CIP2A: variants seen among roughly 807,000 people sequenced by gnomAD.
CIP2A encodes protein CIP2A.
CIP2A carries 103 observed loss-of-function variants against 110.9 expected under a neutral mutation model. The observed-to-expected ratio is 0.93, with a 90% CI of 0.79 to 1.09. CIP2A has a LOEUF of 1.09. Among genes scored for constraint, CIP2A ranks in the 50% least tolerant of loss-of-function variants. The probability of loss-of-function intolerance (pLI) is 0.00; values close to 1 mark genes in which losing one functional copy is unlikely to be tolerated. For synonymous variants in CIP2A, 381 were observed against 361.6 expected (o/e 1.05, Z -0.61); for missense variants, 1,088 against 1,038.4 (o/e 1.05, Z -0.66).
At chr3:108,556,294 T>C (rs929822926) in intron 17 of CIP2A, among the ~76,000 whole-genome samples, 2 of 152,172 alleles carry the variant, frequency 1.3e-5, no homozygotes, top group African/African-American at 2.4e-5. Context: ...AATCTTAAAA[T>C]ATAAAGCAAT....
chr3:108,585,612 A>G, intron 1 of CIP2A: 1 of 442,258 alleles, frequency 2.3e-6, no homozygotes. Context: ...ACAAATCTGC[A>G]CTCTAGTACC....
chr3:108,557,691 C>T (rs1407215032), intron 16 of CIP2A, among the ~76,000 whole-genome samples: 9 of 152,022 alleles, frequency 5.9e-5, no homozygotes, highest in Admixed American at 1.3e-4. Flanking sequence ...GCGCTACATA[C>T]AGTATTCAAT....
chr3:108,572,443 A>C (rs1938432810), intron 8 of CIP2A, among the ~76,000 whole-genome samples: 7 of 152,064 alleles, frequency 4.6e-5, no homozygotes, highest in Admixed American at 4.6e-4. Flanking sequence ...TCATTTATTG[A>C]AATGACCATA....
At chr3:108,573,717 G>A (rs1216076840) in intron 8 of CIP2A, among the ~76,000 whole-genome samples, 1 of 152,076 alleles carries the variant, frequency 6.6e-6, no homozygotes, top group African/African-American at 2.4e-5. Context: ...AAGGAATTTA[G>A]AAATTCTAGG....
At chr3:108,561,239 T>C (rs923092092) in intron 13 of CIP2A, among the ~76,000 whole-genome samples, 1 of 152,156 alleles carries the variant, frequency 6.6e-6, no homozygotes, top group African/African-American at 2.4e-5. Flanking sequence ...TGACTTCCAT[T>C]CTAACCCTTT....
intron 17 of CIP2A, among the ~76,000 whole-genome samples, chr3:108,555,533 C>T (rs946788910): frequency 6.6e-6 from 1 of 152,158 alleles, no homozygotes; most frequent in Non-Finnish European, 1.5e-5. Context: ...ATTGAGGAAG[C>T]CCACTGACCA....
At chr3:108,581,054 G>T (rs1328012982) in intron 5 of CIP2A, among the ~76,000 whole-genome samples, 1 of 152,196 alleles carries the variant, frequency 6.6e-6, no homozygotes, top group African/African-American at 2.4e-5. Flanking sequence ...TGATTTTGTG[G>T]AAACACAAGA....
chr3:108,575,493 T>C (rs1485187461), intron 8 of CIP2A, among the ~76,000 whole-genome samples: 2 of 142,908 alleles, frequency 1.4e-5, no homozygotes, highest in East Asian at 2.0e-4. Context: ...TATGCACACA[T>C]ATGTATATAT....
At position 108,557,309 on chromosome 3, in the gene CIP2A, T is replaced by G. The variant is rs765643337; in HGVS notation, c.2119A>C (p.Ile707Leu). Residue 707 changes from isoleucine (I) to leucine (L), a missense_variant, in exon 17 of 21, where the codon ATT becomes CTT. Ile to Leu is a conservative substitution (Grantham distance 5). Transcript: ENST00000295746. ...QVESERAQSDIEHLFQHNRKL... is the reference protein window; with the variant it reads ...QVESERAQSDLEHLFQHNRKL... The stretch of plus-strand genomic sequence containing the variant: ...CTATTATGTTGAAAGAGATGCTCAA[T>G]ATCACTCTGCGCTCTTTCTGATTCA... 2.5e-6 allele frequency: 4 copies of G among 1,612,452 alleles called. No individual in the cohort carries two copies. Among genetic ancestry groups the G allele is most frequent in the African/African-American group, 1.3e-5 (1 of 74,840 alleles).
chr3:108,587,679 C>A lies in CIP2A; in HGVS notation c.102+1595G>T, dbSNP rs570266467. On this transcript the variant is annotated intron_variant, in intron 1 of 20. Transcript: ENST00000295746. ...TTTTAGTAGTAACCTGAAGCCAGTG[C>A]TCTTCATACCTTTGCAACAACGGTA... Among the ~76,000 whole-genome samples the A allele has an allele frequency of 6.6e-4, 101 of 152,328 alleles. 1 individual carries two copies. Among genetic ancestry groups the A allele is most frequent in the Non-Finnish European group, 1.1e-3 (78 of 68,028 alleles).
At chr3:108,584,995 C>G (rs1371971459) in intron 2 of CIP2A, 70 bp downstream of exon 2, 2 of 1,391,462 alleles carry the variant, frequency 1.4e-6, no homozygotes, top group African/African-American at 2.9e-5. Flanking sequence ...GATTCTATAA[C>G]TAAGCCTGCA....
intron 5 of CIP2A, among the ~76,000 whole-genome samples, chr3:108,580,529 G>C (rs1209912699): frequency 6.6e-6 from 1 of 151,574 alleles, no homozygotes; most frequent in Non-Finnish European, 1.5e-5. Flanking sequence ...TTGAACAAGT[G>C]AGATATTAAA....
intron 16 of CIP2A, among the ~76,000 whole-genome samples, chr3:108,558,177 CTAA>C (rs1478192059): frequency 6.6e-6 from 1 of 151,954 alleles, no homozygotes; most frequent in Non-Finnish European, 1.5e-5. Context: ...TTTAATATCA[CTAA>C]TGTTCTTTCT....
rs1424913151 is a variant in CIP2A at position 108,550,965 on chromosome 3, G to A, written c.*184C>T. ...AGCCAGAAACAAAAAGTAAAACTTA[G>A]AAAATTAAATTTCTATTCAAACTAT... On this transcript the variant is annotated 3_prime_UTR_variant, in exon 21 of 21. Transcript: ENST00000295746. The A allele has an allele frequency of 8.2e-6, 3 of 364,388 alleles. No individual in the cohort carries two copies. In the Admixed American group the frequency reaches 1.4e-4, roughly 17 times the overall value. The allele number at this position is 364,388 out of a possible 1,614,324, so 22.6% of individuals were successfully genotyped here.
intron 8 of CIP2A, among the ~76,000 whole-genome samples, chr3:108,571,281 T>C (rs1938395670): frequency 6.6e-6 from 1 of 152,188 alleles, no homozygotes; most frequent in Admixed American, 6.6e-5. Context: ...ATGTACTGTA[T>C]ACAATCTTAA....
At chr3:108,578,770 ACT>A (rs904983332) in intron 7 of CIP2A, among the ~76,000 whole-genome samples, 12 of 151,634 alleles carry the variant, frequency 7.9e-5, no homozygotes, top group African/African-American at 2.9e-4. Context: ...TATGAAATAC[ACT>A]GAGATAGAAA....
intron 16 of CIP2A, among the ~76,000 whole-genome samples, chr3:108,559,026 G>C (rs183906206): frequency 5.9e-5 from 9 of 152,214 alleles, no homozygotes; most frequent in Admixed American, 1.3e-4. Flanking sequence ...CTAGGTGAAG[G>C]GGGTAGAACC....
chr3:108,577,320 A>C (rs1938689900), intron 7 of CIP2A, among the ~76,000 whole-genome samples: 1 of 152,142 alleles, frequency 6.6e-6, no homozygotes, highest in South Asian at 2.1e-4. Flanking sequence ...TTTTGAGCAT[A>C]TTTGTAAGTT....
chr3:108,554,604 G>A, intron 17 of CIP2A, 115 bp from the exon 18 acceptor site: 1 of 553,660 alleles, frequency 1.8e-6, no homozygotes, highest in East Asian at 3.1e-5. Flanking sequence ...TATGCTGGAA[G>A]AGAAGGAATG....
Sources: allele counts gnomAD v4.1 joint callset (sites outside exome capture counted in the v4.1 genomes callset), GRCh38; gene constraint gnomAD v4.1.1; transcripts MANE v1.5; gene names NCBI Gene and HGNC (gene_info 2026-07-23, HGNC 2026-07-21).